The following GALNTL6 variants were observed in gnomAD, a reference collection of about 807,000 sequenced individuals.
GALNTL6 encodes the protein polypeptide N-acetylgalactosaminyltransferase-like 6.
Under a neutral mutation model 73.7 loss-of-function variants are expected in GALNTL6, and 46 were observed. The ratio of observed to expected loss-of-function variants is 0.62; its 90% CI spans 0.49 to 0.80. The LOEUF is 0.80. Ranked by LOEUF, GALNTL6 falls within the 30% of genes least tolerant of loss-of-function variation. GALNTL6 has a pLI of 0.00. For missense variants in GALNTL6, 604 were observed against 755.0 expected, an observed-to-expected ratio of 0.80 and a Z score of 2.34; for synonymous variants, 259 against 263.7, an observed-to-expected ratio of 0.98 and a Z score of 0.17.
chr4:171,996,259 A>C (rs901770550), intron 2 of GALNTL6, among the ~76,000 whole-genome samples: 3 of 152,128 alleles, frequency 2.0e-5, no homozygotes, highest in African/African-American at 7.2e-5. Context: ...CCAAATTTAT[A>C]AATTATTTTC....
intron 2 of GALNTL6, among the ~76,000 whole-genome samples, chr4:171,938,674 A>T (rs951594714): frequency 5.3e-5 from 8 of 152,166 alleles, no homozygotes; most frequent in African/African-American, 1.9e-4. Context: ...CTTAAAACCA[A>T]TGTTTAGATT....
At chr4:171,883,637 T>C (rs1736521813) in intron 2 of GALNTL6, among the ~76,000 whole-genome samples, 1 of 151,620 alleles carries the variant, frequency 6.6e-6, no homozygotes, top group Non-Finnish European at 1.5e-5. Context: ...TGTTCTTATA[T>C]ATGTGCTTTT....
At chr4:172,259,179 C>T (rs541906720) in intron 3 of GALNTL6, among the ~76,000 whole-genome samples, 5 of 151,466 alleles carry the variant, frequency 3.3e-5, no homozygotes, top group Admixed American at 6.6e-5. Context: ...AAGGAATCTC[C>T]GTACTGTTTT....
At chr4:172,564,825 T>A (rs1736499169) in intron 5 of GALNTL6, among the ~76,000 whole-genome samples, 1 of 152,226 alleles carries the variant, frequency 6.6e-6, no homozygotes, top group South Asian at 2.1e-4. Flanking sequence ...TCCGAGTAGA[T>A]GAAACAACGA....
chr4:171,860,947 A>G (rs1015416467), intron 2 of GALNTL6, among the ~76,000 whole-genome samples: 6 of 152,094 alleles, frequency 3.9e-5, no homozygotes, highest in African/African-American at 1.4e-4. Flanking sequence ...TACCTCCTCC[A>G]TTCAGCATTC....
At chr4:173,015,721 A>G (rs1312591700) in intron 11 of GALNTL6, among the ~76,000 whole-genome samples, 1 of 152,238 alleles carries the variant, frequency 6.6e-6, no homozygotes, top group Non-Finnish European at 1.5e-5. Context: ...GAAAATTTGC[A>G]GCCTAACGAT....
chr4:172,355,753 G>C (rs1198011138), intron 5 of GALNTL6, among the ~76,000 whole-genome samples: 1 of 152,074 alleles, frequency 6.6e-6, no homozygotes, highest in Non-Finnish European at 1.5e-5. Context: ...TTGAAGAGAT[G>C]ATTAATCTCA....
Position 172,682,098 on chromosome 4 carries a change from C to CAGT in GALNTL6, c.554-127261_554-127259dup, listed in dbSNP as rs757687786. On this transcript the variant is annotated intron_variant, in intron 5 of 12. Transcript: ENST00000506823. The stretch of plus-strand genomic sequence containing the variant: ...AAAAGACAGATACAGGGAGGAGACA[C>CAGT]AGTAATATGACAGAATTTGGTGCAC... Among the ~76,000 whole-genome samples the CAGT allele has an allele frequency of 1.4e-4, 22 of 152,214 alleles. No homozygotes were observed. In the East Asian group the frequency reaches 2.9e-3, roughly 20 times the overall value.
intron 2 of GALNTL6, among the ~76,000 whole-genome samples, chr4:172,046,116 T>TAATTGATTGAGTTGATTTCAATCAATTG (rs1242469629): frequency 3.3e-5 from 5 of 152,110 alleles, no homozygotes; most frequent in Non-Finnish European, 5.9e-5. Context: ...TTTGATTCCA[T>TAATTGATTGAGTTGATTTCAATCAATTG]AATTGATTGA....
At chr4:172,167,610 A>G (rs1252305976) in intron 2 of GALNTL6, among the ~76,000 whole-genome samples, 1 of 152,242 alleles carries the variant, frequency 6.6e-6, no homozygotes, top group East Asian at 1.9e-4. Context: ...AGCAAAAATT[A>G]TATTTATTTT....
chr4:172,383,787 C>T (rs72704807), intron 5 of GALNTL6, among the ~76,000 whole-genome samples: 2,557 of 152,046 alleles, frequency 0.017, 34 homozygotes, highest in Middle Eastern at 0.027. Flanking sequence ...CAGGAGTTCC[C>T]TTCTATTCTT....
intron 5 of GALNTL6, among the ~76,000 whole-genome samples, chr4:172,434,947 T>G (rs1194594952): frequency 6.6e-6 from 1 of 152,110 alleles, no homozygotes; most frequent in Non-Finnish European, 1.5e-5. Context: ...TAAGTATTCA[T>G]TATAGCAGAG....
At chr4:172,418,685 C>T (rs13116631) in intron 5 of GALNTL6, among the ~76,000 whole-genome samples, 93,563 of 152,040 alleles carry the variant, frequency 0.62, 30,410 homozygotes, top group South Asian at 0.8. Flanking sequence ...GTGGCAATAG[C>T]CAACTGATAG....
chr4:173,021,128 CCT>C (rs1246340911), intron 11 of GALNTL6, among the ~76,000 whole-genome samples: 13 of 151,954 alleles, frequency 8.6e-5, no homozygotes, highest in Admixed American at 8.5e-4. Flanking sequence ...ATCCCTCTCC[CCT>C]CTGTCTTTCC....
chr4:172,305,761 A>T (rs915566656), intron 3 of GALNTL6, among the ~76,000 whole-genome samples: 4 of 152,174 alleles, frequency 2.6e-5, no homozygotes, highest in African/African-American at 9.6e-5. Context: ...ACCATTTTAA[A>T]TCCTATTCTC....
intron 5 of GALNTL6, among the ~76,000 whole-genome samples, chr4:172,736,410 C>T (rs921391102): frequency 6.6e-6 from 1 of 152,236 alleles, no homozygotes; most frequent in Non-Finnish European, 1.5e-5. Context: ...TGCCCAGCCC[C>T]ACAGGCAGGC....
chr4:172,008,146 C>T (rs944046682), intron 2 of GALNTL6, among the ~76,000 whole-genome samples: 6 of 152,262 alleles, frequency 3.9e-5, no homozygotes, highest in African/African-American at 1.2e-4. Flanking sequence ...TAAGTATATT[C>T]AAACAGCTTT....
At chr4:172,309,048 T>C (rs1740257041) in intron 3 of GALNTL6, among the ~76,000 whole-genome samples, 1 of 151,242 alleles carries the variant, frequency 6.6e-6, no homozygotes, top group Non-Finnish European at 1.5e-5. Flanking sequence ...TCCTAAGAAA[T>C]CAAACAGGGA....
At chr4:172,222,671 A>T (rs1736721257) in intron 2 of GALNTL6, among the ~76,000 whole-genome samples, 1 of 151,936 alleles carries the variant, frequency 6.6e-6, no homozygotes, top group African/African-American at 2.4e-5. Flanking sequence ...AGCTATAATG[A>T]TCTACACACC....
Sources: allele counts gnomAD v4.1 joint callset (sites outside exome capture counted in the v4.1 genomes callset), GRCh38; gene constraint gnomAD v4.1.1; transcripts MANE v1.5; gene names NCBI Gene and HGNC (gene_info 2026-07-23, HGNC 2026-07-21).